KCNT2: variants seen among roughly 807,000 people sequenced by gnomAD.
KCNT2 encodes the protein potassium channel subfamily T member 2.
KCNT2 carries 67 observed loss-of-function variants against 153.8 expected under a neutral mutation model. That is an observed-to-expected ratio of 0.44 (90% CI 0.36 to 0.53). The LOEUF (loss-of-function observed/expected upper bound fraction) is 0.53. KCNT2 is among the 20% of genes least tolerant of loss of function. The pLI, the probability that KCNT2 is intolerant of heterozygous loss-of-function variation, is 0.00. For missense variants in KCNT2, 975 were observed against 1,354.8 expected, an observed-to-expected ratio of 0.72 and a Z score of 4.40; for synonymous variants, 500 against 458.8, an observed-to-expected ratio of 1.09 and a Z score of -1.15.
intron 14 of KCNT2, among the ~76,000 whole-genome samples, chr1:196,342,450 A>ATG (rs1665764168): frequency 7.1e-6 from 1 of 140,780 alleles, no homozygotes; most frequent in African/African-American, 2.7e-5. Flanking sequence ...ATATATATGT[A>ATG]TATATATATA....
At chr1:196,430,724 T>C (rs974422197) in intron 8 of KCNT2, among the ~76,000 whole-genome samples, 9 of 151,978 alleles carry the variant, frequency 5.9e-5, no homozygotes, top group South Asian at 4.1e-4. Context: ...AGCGTAAAAG[T>C]TGTTAGATGT....
At chr1:196,320,504 T>C (rs1046968195) in intron 19 of KCNT2, among the ~76,000 whole-genome samples, 1 of 151,800 alleles carries the variant, frequency 6.6e-6, no homozygotes, top group Non-Finnish European at 1.5e-5. Flanking sequence ...AGAGCTGATA[T>C]TTAATTTGAA....
At chr1:196,241,139 G>A (rs1368761084) in intron 26 of KCNT2, among the ~76,000 whole-genome samples, 2 of 151,944 alleles carry the variant, frequency 1.3e-5, no homozygotes, top group Non-Finnish European at 2.9e-5. Flanking sequence ...GAATGCCAAT[G>A]GGAGAAAATA....
At chr1:196,448,586 T>A (rs971981478) in intron 8 of KCNT2, among the ~76,000 whole-genome samples, 1 of 151,650 alleles carries the variant, frequency 6.6e-6, no homozygotes, top group Admixed American at 6.6e-5. Flanking sequence ...TTATACTTAA[T>A]CCCGACTCTG....
chr1:196,479,863 T>C (rs1017597417), intron 4 of KCNT2, among the ~76,000 whole-genome samples: 5 of 152,240 alleles, frequency 3.3e-5, no homozygotes, highest in African/African-American at 1.2e-4. Context: ...TTTAATAGTA[T>C]ATTCAATCTT....
At chr1:196,283,721 T>C (rs1659347267) in intron 23 of KCNT2, among the ~76,000 whole-genome samples, 1 of 152,138 alleles carries the variant, frequency 6.6e-6, no homozygotes, top group African/African-American at 2.4e-5. Flanking sequence ...TACTTAAGTG[T>C]TTTTTAAAAA....
intron 12 of KCNT2, among the ~76,000 whole-genome samples, chr1:196,404,438 C>T (rs572555132): frequency 6.8e-4 from 103 of 151,566 alleles, no homozygotes; most frequent in African/African-American, 2.3e-3. Flanking sequence ...ACAAGGCTTA[C>T]GACAACCTTT....
rs1679098676 is a variant in KCNT2, at chr1:196,482,527, A to G, written c.276-148T>C. ...ACATTTGAAAAAACGTTGTTGCCTT[A>G]GTTTTCTTTTTGCTAATATTCATTT... On this transcript the variant is annotated intron_variant, in intron 3 of 27. Transcript: ENST00000294725. 3 of 518,880 alleles carry G rather than the reference A, an allele frequency of 5.8e-6. No homozygotes were observed. In the South Asian group the frequency reaches 1.0e-4, roughly 17 times the overall value. The allele number at this position is 518,880 out of a possible 1,614,324, so 32.1% of individuals were successfully genotyped here.
At chr1:196,303,882 TG>T (rs1385214238) in intron 22 of KCNT2, among the ~76,000 whole-genome samples, 1 of 152,190 alleles carries the variant, frequency 6.6e-6, no homozygotes, top group African/African-American at 2.4e-5. Context: ...GGATTCCTGC[TG>T]GTTTTCTGAT....
intron 5 of KCNT2, among the ~76,000 whole-genome samples, chr1:196,470,876 C>CTTTTTTT (rs71154745): frequency 4.0e-5 from 3 of 75,902 alleles, no homozygotes; most frequent in African/African-American, 1.5e-4. Flanking sequence ...TTCTTTCTTT[C>CTTTTTTT]TTTTTTTTTT....
At chr1:196,362,674 C>T (rs372586127) in intron 14 of KCNT2, among the ~76,000 whole-genome samples, 1 of 152,182 alleles carries the variant, frequency 6.6e-6, no homozygotes. Context: ...AAAACCTCCT[C>T]GAGTTAAGCT....
intron 13 of KCNT2, among the ~76,000 whole-genome samples, chr1:196,385,491 C>T (rs930913978): frequency 6.6e-6 from 1 of 151,854 alleles, no homozygotes; most frequent in Non-Finnish European, 1.5e-5. Flanking sequence ...TATAAAAAGC[C>T]AAATTGCTAC....
At position 196,237,346 on chromosome 1, in the gene KCNT2, T is replaced by G. The variant is rs554980623; in HGVS notation, c.3212-1276A>C. Among the ~76,000 whole-genome samples, 9 of 151,862 alleles carry G rather than the reference T, an allele frequency of 5.9e-5. No individual in the cohort carries two copies. In the East Asian group the frequency reaches 1.7e-3, roughly 29 times the overall value. On this transcript the variant is annotated intron_variant, in intron 26 of 27. Coordinates refer to ENST00000294725, the MANE Select transcript of KCNT2 (RefSeq NM_198503.5). The stretch of plus-strand genomic sequence containing the variant: ...TTTTAAAGTGTAAAAACAAAAATCC[T>G]TATCTTTCAAGGCAGAAAAATCACA...
At chr1:196,500,296 G>GGGAA (rs1558012484) in intron 1 of KCNT2, among the ~76,000 whole-genome samples, 9 of 123,676 alleles carry the variant, frequency 7.3e-5, no homozygotes, top group Non-Finnish European at 1.4e-4. Context: ...GAGGGAGGGA[G>GGGAA]GGAGGGAGGG....
rs939787358 is a variant in KCNT2, at chr1:196,462,870, T to C, written c.638+2423A>G. On this transcript the variant is annotated intron_variant, in intron 8 of 27. Transcript: ENST00000294725. ...TTGTTTTTTCTTTTTTGTGTGATAG[T>C]ATGATATTCAGCTGGATATACTACT... 2.6e-5 allele frequency among the ~76,000 whole-genome samples: 4 copies of C among 151,710 alleles called. 1 individual carries two copies. The Admixed American group carries it at 2.6e-4, about 10-fold the overall frequency.
At chr1:196,434,871 G>C (rs1244685435) in intron 8 of KCNT2, among the ~76,000 whole-genome samples, 1 of 151,514 alleles carries the variant, frequency 6.6e-6, no homozygotes, top group Non-Finnish European at 1.5e-5. Flanking sequence ...CAGTCTACTA[G>C]AGGATGAGAG....
At chr1:196,459,769 C>T (rs2148646534) in intron 8 of KCNT2, among the ~76,000 whole-genome samples, 1 of 151,868 alleles carries the variant, frequency 6.6e-6, no homozygotes, top group Admixed American at 6.6e-5. Context: ...AGATGCACGG[C>T]TAAACTTTGC....
chr1:196,366,312 A>G (rs754502947), intron 14 of KCNT2, among the ~76,000 whole-genome samples: 7 of 151,904 alleles, frequency 4.6e-5, no homozygotes, highest in African/African-American at 7.3e-5. Context: ...GGCATGCACC[A>G]CCATGCCAGG....
chr1:196,318,816 C>G (rs933681957), intron 20 of KCNT2, among the ~76,000 whole-genome samples: 5 of 151,724 alleles, frequency 3.3e-5, no homozygotes, highest in African/African-American at 1.2e-4. Context: ...TTAAAGTTCT[C>G]AATTGGTAAA....
Sources: gnomAD v4.1 joint callset for allele counts (sites outside exome capture counted in the v4.1 genomes callset) on GRCh38, gnomAD v4.1.1 for gene constraint, MANE v1.5 for transcripts, NCBI Gene and HGNC (gene_info 2026-07-23, HGNC 2026-07-21) for gene names.